NPM1: variants seen among roughly 807,000 people sequenced by gnomAD.
NPM1 encodes the protein nucleophosmin 1.
Under a neutral mutation model 44.1 loss-of-function variants are expected in NPM1, and 1 was observed. The observed-to-expected ratio is 0.02, with a 90% confidence interval of 0.01 to 0.11. NPM1 has a LOEUF of 0.11. Among genes scored for constraint, NPM1 ranks in the 10% least tolerant of loss-of-function variants. The pLI is 1.00. For synonymous variants in NPM1, 126 were observed against 111.8 expected, an observed-to-expected ratio of 1.13 and a Z score of -0.80; for missense variants, 197 against 347.8, an observed-to-expected ratio of 0.57 and a Z score of 3.45.
chr5:171,393,992 A>C (rs1018507716), intron 6 of NPM1, among the ~76,000 whole-genome samples: 4 of 152,070 alleles, frequency 2.6e-5, no homozygotes, highest in Non-Finnish European at 5.9e-5. Context: ...CAAACTTATA[A>C]ATGAACGCAA....
chr5:171,396,271 A>G (rs958925639), intron 6 of NPM1, among the ~76,000 whole-genome samples: 5 of 152,158 alleles, frequency 3.3e-5, no homozygotes, highest in Admixed American at 3.3e-4. Flanking sequence ...GTGAGCCACC[A>G]CACCCTGCCA....
intron 1 of NPM1, 24 bp downstream of exon 1, chr5:171,388,030 C>G (rs752546879): frequency 7.3e-7 from 1 of 1,378,018 alleles, no homozygotes; most frequent in Non-Finnish European, 1.0e-6. Context: ...GGAGCTGGAG[C>G]GAGGCCGAGC....
At chr5:171,410,391 CAT>C (rs767425077) in intron 10 of NPM1, 134 bp from the exon 11 acceptor site, 58 of 502,526 alleles carry the variant, frequency 1.2e-4, no homozygotes, top group Non-Finnish European at 1.6e-4. Flanking sequence ...TTCTTGGAGT[CAT>C]ATCTTTATCT....
intron 1 of NPM1, among the ~76,000 whole-genome samples, chr5:171,389,689 A>G (rs1770472287): frequency 6.6e-6 from 1 of 152,224 alleles, no homozygotes; most frequent in Non-Finnish European, 1.5e-5. Context: ...GAATTTAGGT[A>G]GGTAAATCAG....
chr5:171,406,272 G>A lies in NPM1; in HGVS notation c.771+869G>A, dbSNP rs545164471. ...GGAACATATTTCTTTTAGTCACACT[G>A]TAAACCCTTTAGCCTTCCTGGTTAT... is the stretch of plus-strand genomic sequence containing the variant. On this transcript the variant is annotated intron_variant, in intron 9 of 10. Transcript: ENST00000296930. The A allele has an allele frequency of 7.3e-5, 63 of 858,562 alleles. No individual in the cohort carries two copies. The African/African-American group carries it at 8.9e-4, about 12-fold the overall frequency. The allele number at this position is 858,562 out of a possible 1,614,324, so 53.2% of individuals were successfully genotyped here. A position where few individuals can be genotyped will look rare whatever the true frequency, so the allele number is the denominator to read the frequency against.
At chr5:171,409,489 T>C (rs948765756) in intron 10 of NPM1, among the ~76,000 whole-genome samples, 1 of 151,980 alleles carries the variant, frequency 6.6e-6, no homozygotes, top group Non-Finnish European at 1.5e-5. Context: ...GAGGCAGAGG[T>C]TGCAGTGAGC....
At chr5:171,403,775 G>C (rs1346869492) in intron 8 of NPM1, among the ~76,000 whole-genome samples, 3 of 125,920 alleles carry the variant, frequency 2.4e-5, no homozygotes, top group African/African-American at 5.9e-5. Flanking sequence ...GCGGCTGGCC[G>C]GGCAGAGGGG....
chr5:171,390,817 G>A (rs1029229324), intron 2 of NPM1, among the ~76,000 whole-genome samples: 2 of 151,644 alleles, frequency 1.3e-5, no homozygotes, highest in East Asian at 1.9e-4. Flanking sequence ...TCTGATTTCC[G>A]AGTTCAAGTA....
intron 4 of NPM1, among the ~76,000 whole-genome samples, 163 bp downstream of exon 4, chr5:171,391,962 G>C (rs1043155496): frequency 7.9e-6 from 1 of 126,620 alleles, no homozygotes; most frequent in East Asian, 2.7e-4. Context: ...TGGGGCGGGG[G>C]GGAGAGGAAA....
In NPM1 at chr5:171,397,340, A is replaced by C. The variant is rs149727573; in HGVS notation, c.525-2813A>C. On this transcript the variant is annotated intron_variant, in intron 6 of 10. Transcript: ENST00000296930. ...TTGACTGCTATGAACGCTTGTAGAC[A>C]TGTCATTTTACTTGGATGTACACCT... Among the ~76,000 whole-genome samples, 226 of 152,318 alleles carry C rather than the reference A, an allele frequency of 1.5e-3. 3 individuals carry two copies. Among genetic ancestry groups the C allele is most frequent in the Non-Finnish European group, 2.5e-3 (171 of 68,026 alleles).
intron 10 of NPM1, among the ~76,000 whole-genome samples, chr5:171,408,862 C>T (rs6888688): frequency 0.4 from 61,407 of 152,054 alleles, 12,418 homozygotes; most frequent in East Asian, 0.55. Context: ...TCTTCAACTA[C>T]TGCCAAGGAA....
intron 10 of NPM1, among the ~76,000 whole-genome samples, chr5:171,409,527 AGT>A (rs1478393087): frequency 6.6e-6 from 1 of 152,204 alleles, no homozygotes; most frequent in Non-Finnish European, 1.5e-5. Flanking sequence ...TGGGTGGCAG[AGT>A]GAGAGTCTAT....
At chr5:171,401,232 C>T (rs1771181539) in intron 8 of NPM1, among the ~76,000 whole-genome samples, 1 of 151,960 alleles carries the variant, frequency 6.6e-6, no homozygotes, top group Non-Finnish European at 1.5e-5. Flanking sequence ...GTGGTATGTG[C>T]CTGTAATTCC....
chr5:171,395,038 G>A (rs1770809807), intron 6 of NPM1, among the ~76,000 whole-genome samples: 1 of 152,078 alleles, frequency 6.6e-6, no homozygotes, highest in African/African-American at 2.4e-5. Flanking sequence ...AATTAGCTGG[G>A]TATCGTGGTG....
At chr5:171,397,343 T>C (rs569383084) in intron 6 of NPM1, among the ~76,000 whole-genome samples, 21 of 152,208 alleles carry the variant, frequency 1.4e-4, no homozygotes, top group Non-Finnish European at 2.5e-4. Context: ...TGTAGACATG[T>C]CATTTTACTT....
Position 171,391,279 on chromosome 5 carries a change from A to C in NPM1, c.139-26A>C. ...TAAAATAGGTGGAACTCAAAAGTTG[A>C]AGTAGTATTTTTTTTTTGTTCACAG... On this transcript the variant is annotated intron_variant, in intron 2 of 10. Transcript: ENST00000296930. 3.1e-6 allele frequency: 5 copies of C among 1,604,272 alleles called. No individual in the cohort carries two copies. The South Asian group carries it at 5.6e-5, about 18-fold the overall frequency.
intron 6 of NPM1, 137 bp downstream of exon 6, chr5:171,393,115 C>T (rs1399133903): frequency 2.6e-6 from 3 of 1,135,694 alleles, no homozygotes; most frequent in South Asian, 1.6e-5. Flanking sequence ...AATAAAAGGG[C>T]AGGTGGTCAT....
intron 6 of NPM1, among the ~76,000 whole-genome samples, chr5:171,394,784 G>A (rs547077714): frequency 1.3e-5 from 2 of 152,258 alleles, no homozygotes; most frequent in South Asian, 2.1e-4. Flanking sequence ...AGCATTCACC[G>A]AGGCTCGGGG....
intron 6 of NPM1, 115 bp from the exon 7 acceptor site, chr5:171,400,038 A>C: frequency 1.5e-6 from 1 of 687,630 alleles, no homozygotes; most frequent in Non-Finnish European, 2.6e-6. Flanking sequence ...GGCTGTTGTG[A>C]ACAATGCTTC....
Sources: allele counts gnomAD v4.1 joint callset (sites outside exome capture counted in the v4.1 genomes callset), GRCh38; gene constraint gnomAD v4.1.1; transcripts MANE v1.5; gene names NCBI Gene and HGNC (gene_info 2026-07-23, HGNC 2026-07-21).